Variants in HYDIN observed in about 807,000 individuals in gnomAD.
HYDIN encodes the protein axonemal central pair apparatus protein HYDIN.
Under a neutral mutation model 403.9 loss-of-function variants are expected in HYDIN, and 132 were observed. That is an observed-to-expected ratio of 0.33 (90% confidence interval 0.28 to 0.38). HYDIN has a LOEUF of 0.38. HYDIN is among the 10% of genes least tolerant of loss of function. The pLI, the probability that HYDIN is intolerant of heterozygous loss-of-function variation, is 1.00. For synonymous variants in HYDIN, 1,202 were observed against 1,891.7 expected, an observed-to-expected ratio of 0.64 and a Z score of 9.46; for missense variants, 2,827 against 5,009.5, an observed-to-expected ratio of 0.56 and a Z score of 13.15.
At chr16:70,847,560 G>A (rs2038299270) in intron 75 of HYDIN, among the ~76,000 whole-genome samples, 1 of 151,790 alleles carries the variant, frequency 6.6e-6, no homozygotes, top group East Asian at 1.9e-4. Context: ...CCCAAAATCG[G>A]CAGAATAATG....
At chr16:70,979,953 G>T (rs1015545228) in intron 29 of HYDIN, among the ~76,000 whole-genome samples, 3 of 149,724 alleles carry the variant, frequency 2.0e-5, no homozygotes, top group African/African-American at 5.1e-5. Flanking sequence ...CAAACAAAAA[G>T]CCTATTATAA....
chr16:71,117,651 C>T (rs1393437370), intron 9 of HYDIN, among the ~76,000 whole-genome samples: 2 of 151,440 alleles, frequency 1.3e-5, no homozygotes, highest in African/African-American at 4.8e-5. Flanking sequence ...AAATAGAAAA[C>T]TAAGGAAAGA....
At chr16:70,850,044 T>C (rs1388309648) in intron 74 of HYDIN, 97 bp from the exon 75 acceptor site, 10 of 599,620 alleles carry the variant, frequency 1.7e-5, no homozygotes, top group Non-Finnish European at 2.7e-5. Context: ...CTTTGGGAAA[T>C]AAGGATGGCA....
intron 1 of HYDIN, 109 bp downstream of exon 1, chr16:71,230,453 G>T (rs897636178): frequency 7.5e-7 from 1 of 1,329,106 alleles, no homozygotes; most frequent in South Asian, 1.6e-5. Flanking sequence ...GGAAAGTCTG[G>T]AGAACGCCTG....
At chr16:70,951,272 GA>G in intron 41 of HYDIN, among the ~76,000 whole-genome samples, 1 of 151,348 alleles carries the variant, frequency 6.6e-6, no homozygotes, top group African/African-American at 2.4e-5. Flanking sequence ...GAGAGAGAGA[GA>G]GAGAGAGGGA....
At chr16:70,888,292 T>C (rs2071530057) in intron 58 of HYDIN, among the ~76,000 whole-genome samples, 1 of 152,252 alleles carries the variant, frequency 6.6e-6, no homozygotes, top group Admixed American at 6.5e-5. Context: ...ACCTGGACAT[T>C]TTGGGTGTTA....
At chr16:70,813,047 G>A (rs2035606284) in intron 84 of HYDIN, among the ~76,000 whole-genome samples, 2 of 151,166 alleles carry the variant, frequency 1.3e-5, no homozygotes, top group Admixed American at 1.3e-4. Context: ...CTGCTTCCCA[G>A]GTTCAAGCAA....
chr16:70,980,771 C>T (rs768888698), intron 29 of HYDIN, among the ~76,000 whole-genome samples: 2 of 151,924 alleles, frequency 1.3e-5, no homozygotes, highest in South Asian at 4.1e-4. Context: ...CTGTACCTGA[C>T]GTCAGGAAGA....
In HYDIN at chr16:70,802,173, G is replaced by C. The variant is rs898115152; in HGVS notation, c.*5407C>G. The C allele has an allele frequency of 6.6e-6, 1 of 152,216 alleles. No homozygotes were observed. Among genetic ancestry groups the C allele is most frequent in the African/African-American group, 2.4e-5 (1 of 41,452 alleles). The allele number at this position is 152,216 out of a possible 1,614,324, so 9.4% of individuals were successfully genotyped here. On this transcript the variant is annotated 3_prime_UTR_variant, in exon 86 of 86. Transcript: ENST00000393567. ...TGGAGTATTTTCCTCAACAGAAACAGGGACGCAATGAGTAAAGGGCAAAAG... is the reference window on the plus strand; with the variant it reads ...TGGAGTATTTTCCTCAACAGAAACACGGACGCAATGAGTAAAGGGCAAAAG...
intron 9 of HYDIN, among the ~76,000 whole-genome samples, chr16:71,126,824 G>A (rs868113181): frequency 2.6e-5 from 4 of 151,848 alleles, no homozygotes; most frequent in Non-Finnish European, 4.4e-5. Context: ...AGTTCAGATC[G>A]CATTTCTTCT....
At chr16:70,942,759 C>G (rs1449886997) in intron 42 of HYDIN, among the ~76,000 whole-genome samples, 3 of 152,150 alleles carry the variant, frequency 2.0e-5, no homozygotes, top group African/African-American at 4.8e-5. Context: ...TGCAGCTAAA[C>G]TTTGTAGCAA....
chr16:71,204,809 C>T (rs1252829750), intron 1 of HYDIN, among the ~76,000 whole-genome samples: 1 of 152,174 alleles, frequency 6.6e-6, no homozygotes. Context: ...TCTGTTTCCA[C>T]TCTATATCTC....
chr16:70,947,805 G>A (rs1287252728), intron 41 of HYDIN, among the ~76,000 whole-genome samples: 5 of 152,124 alleles, frequency 3.3e-5, no homozygotes, highest in Non-Finnish European at 1.5e-5. Flanking sequence ...GGAAATTAAA[G>A]AGGATACAAA....
intron 1 of HYDIN, among the ~76,000 whole-genome samples, chr16:71,195,007 G>C (rs1432783392): frequency 6.6e-6 from 1 of 152,178 alleles, no homozygotes; most frequent in Non-Finnish European, 1.5e-5. Flanking sequence ...GTCACACACT[G>C]TCACTTGCAC....
At chr16:70,955,869 A>C (rs1847278396) in intron 39 of HYDIN, among the ~76,000 whole-genome samples, 1 of 151,954 alleles carries the variant, frequency 6.6e-6, no homozygotes, top group South Asian at 2.1e-4. Flanking sequence ...CCCAGGCTGG[A>C]GTGCAGTGGC....
At chr16:70,978,437 G>A (rs1261981020) in intron 30 of HYDIN, among the ~76,000 whole-genome samples, 3 of 150,508 alleles carry the variant, frequency 2.0e-5, no homozygotes, top group Non-Finnish European at 4.4e-5. Flanking sequence ...CTGGCCTCAG[G>A]CCATCCTTGG....
chr16:70,940,349 A>T (rs576938919), intron 43 of HYDIN, among the ~76,000 whole-genome samples: 1 of 152,024 alleles, frequency 6.6e-6, no homozygotes, highest in Non-Finnish European at 1.5e-5. Flanking sequence ...CCGGCCACTT[A>T]TCAAGAGATA....
At chr16:71,070,625 G>A (rs1402770398) in intron 13 of HYDIN, among the ~76,000 whole-genome samples, 25 of 132,748 alleles carry the variant, frequency 1.9e-4, no homozygotes, top group African/African-American at 6.3e-4. Context: ...AACAGTGCCC[G>A]GCCACTAAAC....
intron 3 of HYDIN, among the ~76,000 whole-genome samples, chr16:71,180,786 T>C (rs1378978456): frequency 2.0e-5 from 3 of 152,144 alleles, no homozygotes; most frequent in Non-Finnish European, 4.4e-5. Flanking sequence ...GGCAAAGTAA[T>C]TGCTTATTTC....
Sources: allele counts gnomAD v4.1 joint callset (sites outside exome capture counted in the v4.1 genomes callset), GRCh38; gene constraint gnomAD v4.1.1; transcripts MANE v1.5; gene names NCBI Gene and HGNC (gene_info 2026-07-23, HGNC 2026-07-21).